The following TLL1 variants were observed in gnomAD, a reference collection of about 807,000 sequenced individuals.
The protein encoded by TLL1 is tolloid-like protein 1.
TLL1 carries 49 observed loss-of-function variants against 128.2 expected under a neutral mutation model. The observed-to-expected ratio is 0.38, with a 90% CI of 0.30 to 0.48. The LOEUF (loss-of-function observed/expected upper bound fraction) is 0.48. Among genes scored for constraint, TLL1 ranks in the 20% least tolerant of loss-of-function variants. The pLI is 0.96. For missense variants in TLL1, 1,123 were observed against 1,242.0 expected (o/e 0.90, Z 1.44); for synonymous variants, 454 against 418.8 (o/e 1.08, Z -1.03).
At chr4:165,925,692 T>G (rs1280166043) in intron 1 of TLL1, among the ~76,000 whole-genome samples, 2 of 152,326 alleles carry the variant, frequency 1.3e-5, no homozygotes, top group East Asian at 3.9e-4. Flanking sequence ...GAAGTTCTAT[T>G]GTAGGTAAAA....
At chr4:166,008,555 T>C in intron 7 of TLL1, among the ~76,000 whole-genome samples, 1 of 151,536 alleles carries the variant, frequency 6.6e-6, no homozygotes, top group East Asian at 1.9e-4. Context: ...AAATAACAAA[T>C]TAGAAAGATA....
chr4:165,887,945 C>A (rs1731238608), intron 1 of TLL1, among the ~76,000 whole-genome samples: 2 of 151,972 alleles, frequency 1.3e-5, no homozygotes, highest in Non-Finnish European at 2.9e-5. Context: ...ATTGTTAAGA[C>A]CAGTTGTTGC....
chr4:166,092,998 G>C (rs1440478060), intron 19 of TLL1, among the ~76,000 whole-genome samples: 1 of 152,170 alleles, frequency 6.6e-6, no homozygotes, highest in African/African-American at 2.4e-5. Flanking sequence ...CACGCCATTT[G>C]CGGTGTTTGC....
intron 1 of TLL1, among the ~76,000 whole-genome samples, chr4:165,903,464 G>A (rs1732095103): frequency 6.8e-6 from 1 of 147,866 alleles, no homozygotes; most frequent in African/African-American, 2.5e-5. Context: ...CCAGGCTGGG[G>A]TGCAGTGGCA....
intron 1 of TLL1, among the ~76,000 whole-genome samples, chr4:165,971,378 G>T (rs548996615): frequency 6.6e-6 from 1 of 152,152 alleles, no homozygotes; most frequent in Non-Finnish European, 1.5e-5. Flanking sequence ...GTGCCCAAGG[G>T]CTTCATTTGA....
intron 1 of TLL1, among the ~76,000 whole-genome samples, chr4:165,892,191 T>C (rs531982017): frequency 2.6e-5 from 4 of 152,298 alleles, no homozygotes; most frequent in Admixed American, 2.0e-4. Flanking sequence ...CATGATTCAA[T>C]TACTTCCCAC....
intron 1 of TLL1, among the ~76,000 whole-genome samples, chr4:165,882,833 G>A (rs1731019848): frequency 6.6e-6 from 1 of 151,828 alleles, no homozygotes; most frequent in South Asian, 2.1e-4. Flanking sequence ...GGTCAGGCTG[G>A]TCTCGAACTC....
At chr4:165,911,995 C>A (rs1732554852) in intron 1 of TLL1, among the ~76,000 whole-genome samples, 2 of 152,116 alleles carry the variant, frequency 1.3e-5, no homozygotes, top group Admixed American at 6.5e-5. Context: ...CCTGCCTCAG[C>A]CTCCCGAGTA....
At chr4:166,006,350 G>T (rs546682151) in intron 6 of TLL1, among the ~76,000 whole-genome samples, 13 of 151,820 alleles carry the variant, frequency 8.6e-5, no homozygotes, top group African/African-American at 2.6e-4. Flanking sequence ...TGGCTATGTT[G>T]TTTTTAACTA....
chr4:165,969,064 T>G (rs1274424453), intron 1 of TLL1, among the ~76,000 whole-genome samples: 1 of 152,196 alleles, frequency 6.6e-6, no homozygotes, highest in Non-Finnish European at 1.5e-5. Flanking sequence ...CTTTCTCCCT[T>G]AAGTTTATCC....
chr4:165,896,165 G>A (rs897414985), intron 1 of TLL1, among the ~76,000 whole-genome samples: 2 of 152,056 alleles, frequency 1.3e-5, no homozygotes, highest in African/African-American at 4.8e-5. Context: ...TCCAGCTTAT[G>A]AGTGAGAACA....
intron 12 of TLL1, among the ~76,000 whole-genome samples, chr4:166,048,794 GT>G (rs753121797): frequency 6.4e-4 from 98 of 152,266 alleles, no homozygotes; most frequent in Non-Finnish European, 6.0e-4. Context: ...ACGGTATTAA[GT>G]TTGAGGTACT....
intron 1 of TLL1, among the ~76,000 whole-genome samples, chr4:165,916,039 G>A (rs893675653): frequency 6.6e-6 from 1 of 152,166 alleles, no homozygotes; most frequent in Non-Finnish European, 1.5e-5. Flanking sequence ...AGTTGGCCTT[G>A]TTTCATGTTT....
chr4:165,941,421 A>G (rs547363427), intron 1 of TLL1, among the ~76,000 whole-genome samples: 1 of 152,290 alleles, frequency 6.6e-6, no homozygotes, highest in Admixed American at 6.5e-5. Flanking sequence ...CATAGATAGC[A>G]TGTACCATGA....
chr4:166,093,718 A>G (rs1741890886), intron 19 of TLL1, among the ~76,000 whole-genome samples: 2 of 152,130 alleles, frequency 1.3e-5, no homozygotes, highest in South Asian at 4.1e-4. Context: ...CATGGGGAGA[A>G]ACCTTGGACA....
intron 9 of TLL1, among the ~76,000 whole-genome samples, chr4:166,031,857 AAT>A (rs1738786181): frequency 6.6e-6 from 1 of 152,190 alleles, no homozygotes; most frequent in African/African-American, 2.4e-5. Flanking sequence ...TTAAAAATAC[AAT>A]AAATAGAAAA....
chr4:166,082,502 C>T (rs1186227648), intron 18 of TLL1, among the ~76,000 whole-genome samples: 1 of 152,098 alleles, frequency 6.6e-6, no homozygotes, highest in Admixed American at 6.6e-5. Context: ...TTGCGTATAT[C>T]AGCCAATAGT....
chr4:165,876,374 C>T (rs1026483489), intron 1 of TLL1, among the ~76,000 whole-genome samples: 10 of 152,008 alleles, frequency 6.6e-5, no homozygotes, highest in East Asian at 1.9e-4. Flanking sequence ...AAGATGGGGA[C>T]GGGTCTGTGA....
At chr4:165,973,771 T>G (rs1376321686) in intron 1 of TLL1, among the ~76,000 whole-genome samples, 2 of 151,842 alleles carry the variant, frequency 1.3e-5, no homozygotes, top group African/African-American at 4.8e-5. Context: ...GTACAAGTAA[T>G]TCTCTTGTCT....
Sources: allele counts gnomAD v4.1 joint callset (sites outside exome capture counted in the v4.1 genomes callset), GRCh38; gene constraint gnomAD v4.1.1; transcripts MANE v1.5; gene names NCBI Gene and HGNC (gene_info 2026-07-23, HGNC 2026-07-21).